The following SLC35F1 variants were observed in gnomAD, a reference collection of about 807,000 sequenced individuals.
The protein encoded by SLC35F1 is solute carrier family 35 member F1.
Under a neutral mutation model 48.7 loss-of-function variants are expected in SLC35F1, and 14 were observed. That is an observed-to-expected ratio of 0.29 (90% confidence interval 0.19 to 0.45). The LOEUF is 0.45. Ranked by LOEUF, SLC35F1 falls within the 20% of genes least tolerant of loss-of-function variation. The probability of loss-of-function intolerance (pLI) is 1.00; values close to 1 mark genes in which losing one functional copy is unlikely to be tolerated. For synonymous variants in SLC35F1, 190 were observed against 202.2 expected, an observed-to-expected ratio of 0.94 and a Z score of 0.51; for missense variants, 404 against 500.0, an observed-to-expected ratio of 0.81 and a Z score of 1.83.
chr6:118,297,684 A>G (rs1776207427), intron 7 of SLC35F1, among the ~76,000 whole-genome samples: 1 of 117,334 alleles, frequency 8.5e-6, no homozygotes, highest in African/African-American at 3.9e-5. Context: ...GTTCTGAGAA[A>G]TATATATTAT....
chr6:118,286,885 C>T (rs1287297348), intron 7 of SLC35F1, among the ~76,000 whole-genome samples: 1 of 151,900 alleles, frequency 6.6e-6, no homozygotes. Context: ...ACTATCATCA[C>T]CATGCTGTAT....
intron 2 of SLC35F1, among the ~76,000 whole-genome samples, chr6:118,160,356 G>A (rs1209403133): frequency 1.3e-5 from 2 of 152,184 alleles, no homozygotes; most frequent in South Asian, 2.1e-4. Context: ...AATTTGATGA[G>A]TATGGCATGT....
intron 1 of SLC35F1, among the ~76,000 whole-genome samples, chr6:118,043,687 G>A (rs970538831): frequency 5.9e-5 from 8 of 136,186 alleles, no homozygotes; most frequent in Non-Finnish European, 8.3e-5. Flanking sequence ...TTAGACATAC[G>A]CCCTCACACT....
chr6:118,274,490 G>A (rs376392271), intron 4 of SLC35F1, among the ~76,000 whole-genome samples: 3 of 151,994 alleles, frequency 2.0e-5, no homozygotes, highest in African/African-American at 4.8e-5. Flanking sequence ...TCCACCTCCC[G>A]GGTTCTGAGG....
intron 2 of SLC35F1, among the ~76,000 whole-genome samples, chr6:118,183,522 GAA>G (rs1443396013): frequency 1.3e-5 from 2 of 151,226 alleles, no homozygotes; most frequent in Non-Finnish European, 2.9e-5. Context: ...TAAAAAAAAA[GAA>G]ATTGTTTCTT....
intron 2 of SLC35F1, among the ~76,000 whole-genome samples, chr6:118,196,639 C>A (rs1774804017): frequency 6.6e-6 from 1 of 151,968 alleles, no homozygotes; most frequent in Non-Finnish European, 1.5e-5. Flanking sequence ...TCACTTGAAC[C>A]CGGGAGGTAG....
intron 2 of SLC35F1, among the ~76,000 whole-genome samples, chr6:118,161,200 T>G (rs907213954): frequency 6.6e-6 from 1 of 152,050 alleles, no homozygotes; most frequent in Non-Finnish European, 1.5e-5. Context: ...TAGAGTCACC[T>G]GAAGATCTCA....
chr6:118,255,962 G>A (rs914853532), intron 3 of SLC35F1, among the ~76,000 whole-genome samples: 4 of 151,920 alleles, frequency 2.6e-5, no homozygotes. Context: ...ATAGCTCTGA[G>A]AAGGAAAAAA....
intron 1 of SLC35F1, among the ~76,000 whole-genome samples, chr6:118,075,180 G>A (rs1238003936): frequency 6.6e-6 from 1 of 152,186 alleles, no homozygotes; most frequent in Non-Finnish European, 1.5e-5. Context: ...TGAACTTGCA[G>A]TCAGTATCTT....
chr6:118,186,308 T>C (rs1017535922), intron 2 of SLC35F1, among the ~76,000 whole-genome samples: 1 of 152,088 alleles, frequency 6.6e-6, no homozygotes, highest in Non-Finnish European at 1.5e-5. Flanking sequence ...GCACCTGCCA[T>C]CAGAAAGGGT....
At chr6:118,161,808 CA>C in intron 2 of SLC35F1, among the ~76,000 whole-genome samples, 1 of 152,254 alleles carries the variant, frequency 6.6e-6, no homozygotes, top group Admixed American at 6.5e-5. Flanking sequence ...TGATGTTATA[CA>C]AATATCATGC....
At chr6:117,965,474 G>A (rs1050556710) in intron 1 of SLC35F1, among the ~76,000 whole-genome samples, 4 of 152,168 alleles carry the variant, frequency 2.6e-5, no homozygotes, top group Admixed American at 6.5e-5. Context: ...TTTTCCTTCT[G>A]GCATTTACCC....
chr6:118,155,763 A>C (rs144438738), intron 2 of SLC35F1, among the ~76,000 whole-genome samples: 2 of 152,348 alleles, frequency 1.3e-5, no homozygotes, highest in African/African-American at 4.8e-5. Context: ...CATTGAAAAA[A>C]ATCATTAATA....
chr6:117,931,689 C>T (rs1379077218), intron 1 of SLC35F1, among the ~76,000 whole-genome samples: 1 of 152,144 alleles, frequency 6.6e-6, no homozygotes, highest in Non-Finnish European at 1.5e-5. Context: ...GTCAAGGCTT[C>T]TCTGGAATCC....
chr6:118,314,328 G>T lies in SLC35F1; in HGVS notation c.*76G>T. 7.5e-7 allele frequency: 1 copy of T among 1,340,738 alleles called. No individual in the cohort carries two copies. The allele number at this position is 1,340,738 out of a possible 1,614,324, so 83.1% of individuals were successfully genotyped here. A position where few individuals can be genotyped will look rare whatever the true frequency, so the allele number is the denominator to read the frequency against. On this transcript the variant is annotated 3_prime_UTR_variant, in exon 8 of 8. Coordinates refer to ENST00000360388, the MANE Select transcript of SLC35F1 (RefSeq NM_001029858.4). ...CCATCATCTCTGTATTGTACATAGA[G>T]AAAGGTATTTACTAGGTGCAGTTTA...
chr6:118,074,410 A>T (rs1372157967), intron 1 of SLC35F1, among the ~76,000 whole-genome samples: 1 of 151,982 alleles, frequency 6.6e-6, no homozygotes, highest in Non-Finnish European at 1.5e-5. Flanking sequence ...TTTCTATATG[A>T]CCTCCTCAAA....
intron 1 of SLC35F1, among the ~76,000 whole-genome samples, chr6:118,033,910 T>G (rs1772089433): frequency 6.6e-6 from 1 of 152,178 alleles, no homozygotes. Flanking sequence ...TATTTCAGAT[T>G]TAGTGGTACA....
At chr6:117,923,643 G>GTACACATACATATGTATATA (rs1562238592) in intron 1 of SLC35F1, among the ~76,000 whole-genome samples, 1 of 58,776 alleles carries the variant, frequency 1.7e-5, no homozygotes, top group Non-Finnish European at 3.8e-5. Context: ...ATGTACATAT[G>GTACACATACATATGTATATA]TACATATGTA....
intron 2 of SLC35F1, among the ~76,000 whole-genome samples, chr6:118,201,372 C>T (rs1774871619): frequency 6.6e-6 from 1 of 152,124 alleles, no homozygotes; most frequent in African/African-American, 2.4e-5. Context: ...GTTTCCAGCA[C>T]ATATCATTTC....
Sources: gnomAD v4.1 joint callset for allele counts (sites outside exome capture counted in the v4.1 genomes callset) on GRCh38, gnomAD v4.1.1 for gene constraint, MANE v1.5 for transcripts, NCBI Gene and HGNC (gene_info 2026-07-23, HGNC 2026-07-21) for gene names.